The following FCHO2 variants were observed in gnomAD, a reference collection of about 807,000 sequenced individuals.
FCHO2 encodes FCH and mu domain containing endocytic adaptor 2.
FCHO2 carries 43 observed loss-of-function variants against 114.1 expected under a neutral mutation model. The ratio of observed to expected loss-of-function variants is 0.38; its 90% CI spans 0.30 to 0.49. The LOEUF (loss-of-function observed/expected upper bound fraction) is 0.49, where lower values mean the gene tolerates loss of function less well. Ranked by LOEUF, FCHO2 falls within the 20% of genes least tolerant of loss-of-function variation. The probability of loss-of-function intolerance (pLI) is 0.97; values close to 1 mark genes in which losing one functional copy is unlikely to be tolerated. For synonymous variants in FCHO2, 293 were observed against 315.2 expected (o/e 0.93, Z 0.75); for missense variants, 807 against 950.4 (o/e 0.85, Z 1.98).
intron 16 of FCHO2, among the ~76,000 whole-genome samples, chr5:73,056,777 C>T (rs1460896787): frequency 3.3e-5 from 5 of 151,546 alleles, no homozygotes; most frequent in South Asian, 2.1e-4. Flanking sequence ...TTGACTGTGA[C>T]GTTATAAAAT....
At position 73,008,654 on chromosome 5, in the gene FCHO2, A is replaced by G. The variant is rs547276647; in HGVS notation, c.600+2105A>G. 1.2e-4 allele frequency among the ~76,000 whole-genome samples: 19 copies of G among 152,310 alleles called. No individual in the cohort carries two copies. In the East Asian group the frequency reaches 3.7e-3, roughly 29 times the overall value. On this transcript the variant is annotated intron_variant, in intron 6 of 25. Coordinates refer to ENST00000430046, the MANE Select transcript of FCHO2 (RefSeq NM_138782.3). ...ACATAATGTCCACAGTTCCTTATCC[A>G]CAATTCCGAATCCGAAGAGCTCTGA... is the stretch of plus-strand genomic sequence containing the variant.
chr5:73,047,969 G>A (rs1757140387), intron 11 of FCHO2, among the ~76,000 whole-genome samples: 1 of 151,916 alleles, frequency 6.6e-6, no homozygotes, highest in East Asian at 1.9e-4. Context: ...CCTAGTAGCT[G>A]GGCTGCAGGT....
At chr5:73,018,076 G>C (rs1580111716) in intron 8 of FCHO2, among the ~76,000 whole-genome samples, 1 of 152,104 alleles carries the variant, frequency 6.6e-6, no homozygotes, top group Admixed American at 6.6e-5. Context: ...ATAATTTAGT[G>C]CATTAAAGAA....
At position 73,087,870 on chromosome 5, in the gene FCHO2, C is replaced by G. The variant is rs1743364418; in HGVS notation, c.2410+117C>G. 3 of 1,452,326 alleles carry G rather than the reference C, an allele frequency of 2.1e-6. No individual in the cohort carries two copies. In the Admixed American group the frequency reaches 7.0e-5, roughly 34 times the overall value. The allele number at this position is 1,452,326 out of a possible 1,614,324, so 90.0% of individuals were successfully genotyped here. The stretch of plus-strand genomic sequence containing the variant: ...AAGACATGGAAATTTTTTCTTTAAC[C>G]CTTGGTACAAGGTGCCAGGTAGAGA... On this transcript the variant is annotated intron_variant, in intron 25 of 25. Coordinates refer to ENST00000430046, the MANE Select transcript of FCHO2 (RefSeq NM_138782.3).
At chr5:73,014,944 TG>T (rs1755221694) in intron 6 of FCHO2, among the ~76,000 whole-genome samples, 1 of 151,438 alleles carries the variant, frequency 6.6e-6, no homozygotes, top group Non-Finnish European at 1.5e-5. Context: ...AGCATGGTGG[TG>T]GGCACCTGTA....
intron 19 of FCHO2, among the ~76,000 whole-genome samples, chr5:73,069,558 A>G (rs1580198613): frequency 6.6e-6 from 1 of 152,084 alleles, no homozygotes; most frequent in South Asian, 2.1e-4. Flanking sequence ...CGCTCCTATG[A>G]GAGTCTAATG....
intron 6 of FCHO2, among the ~76,000 whole-genome samples, chr5:73,007,497 G>A (rs998839693): frequency 2.0e-5 from 3 of 152,180 alleles, no homozygotes; most frequent in African/African-American, 7.2e-5. Flanking sequence ...CCAGATCATA[G>A]TAGGCACTCA....
chr5:72,990,909 G>C (rs1753776981), intron 5 of FCHO2, 45 bp downstream of exon 5: 1 of 1,504,100 alleles, frequency 6.6e-7, no homozygotes, highest in Non-Finnish European at 8.9e-7. Context: ...AAAGCACCTT[G>C]ACATACAAAA....
At chr5:73,058,625 C>T in intron 17 of FCHO2, 101 bp downstream of exon 17, 1 of 501,214 alleles carries the variant, frequency 2.0e-6, no homozygotes, top group East Asian at 3.6e-5. Context: ...ATCAAAATTT[C>T]TAAAAATTTG....
At position 73,082,036 on chromosome 5, in the gene FCHO2, A is replaced by G; in HGVS notation, c.2180+54A>G. On this transcript the variant is annotated intron_variant, in intron 23 of 25. Coordinates refer to ENST00000430046, the MANE Select transcript of FCHO2 (RefSeq NM_138782.3). The stretch of plus-strand genomic sequence containing the variant: ...CACTAAATTTTTGTTGCAATCCCCA[A>G]CTTCTAGAACCCAAGTTCTGTAAGT... The G allele has an allele frequency of 4.4e-6, 6 of 1,353,710 alleles. No homozygotes were observed. The South Asian group carries it at 6.3e-5, about 14-fold the overall frequency. The allele number at this position is 1,353,710 out of a possible 1,614,324, so 83.9% of individuals were successfully genotyped here.
intron 1 of FCHO2, among the ~76,000 whole-genome samples, chr5:72,958,450 C>T (rs182847551): frequency 2.5e-4 from 38 of 152,178 alleles, no homozygotes; most frequent in African/African-American, 8.9e-4. Context: ...CATCTTTCCC[C>T]GTTGAATTGT....
chr5:72,980,889 C>T (rs1158123210), intron 2 of FCHO2, among the ~76,000 whole-genome samples: 3 of 152,132 alleles, frequency 2.0e-5, no homozygotes, highest in East Asian at 1.9e-4. Flanking sequence ...AGTCTTGACT[C>T]TTCATCCAAT....
Position 73,051,329 on chromosome 5 carries a change from T to G in FCHO2, c.940-20T>G, listed in dbSNP as rs957851921. 2.0e-6 allele frequency: 3 copies of G among 1,485,038 alleles called. No homozygotes were observed. The African/African-American group carries it at 4.2e-5, about 21-fold the overall frequency. The allele number at this position is 1,485,038 out of a possible 1,614,324, so 92.0% of individuals were successfully genotyped here. A position where few individuals can be genotyped will look rare whatever the true frequency, so the allele number is the denominator to read the frequency against. On this transcript the variant is annotated intron_variant, in intron 11 of 25. Transcript: ENST00000430046. Reference sequence around the variant, plus strand: ...GTACATTGGAGTTGTCATTATAATTTTTTTTTCTTTTTCCCTTAGAACATT... The same window carrying G: ...GTACATTGGAGTTGTCATTATAATTGTTTTTTCTTTTTCCCTTAGAACATT...
At position 73,041,736 on chromosome 5, in the gene FCHO2, C is replaced by G. The variant is rs192433248; in HGVS notation, c.939+421C>G. ...TTTTAGAAATAACAGCAACAAGAAC[C>G]ATGGTCAGTACTTTTCTGTGCTTTT... is the stretch of plus-strand genomic sequence containing the variant. On this transcript the variant is annotated intron_variant, in intron 11 of 25. Transcript: ENST00000430046. Among the ~76,000 whole-genome samples the G allele has an allele frequency of 5.5e-4, 84 of 152,136 alleles. 2 individuals carry two copies. The highest frequency in any genetic ancestry group is 1.9e-3 in the African/African-American group (77 of 41,550).
At position 73,068,639 on chromosome 5, in the gene FCHO2, T is replaced by C. The variant is rs757674995; in HGVS notation, c.1450-11T>C. On this transcript the variant is annotated splice_polypyrimidine_tract_variant and intron_variant, in intron 18 of 25. Transcript: ENST00000430046. ...TTTTAGCATTTTGATAAATAACTTT[T>C]TGTTTTTAAGCCCAGGCCATTCAGC... 50 of 1,607,664 alleles carry C rather than the reference T, an allele frequency of 3.1e-5. No individual in the cohort carries two copies. Among genetic ancestry groups the C allele is most frequent in the Non-Finnish European group, 3.8e-5 (45 of 1,177,082 alleles).
chr5:73,051,435 G>A, intron 12 of FCHO2, 29 bp downstream of exon 12: 1 of 1,418,316 alleles, frequency 7.1e-7, no homozygotes. Flanking sequence ...GTATTCTTAA[G>A]GATTATGTTG....
intron 5 of FCHO2, among the ~76,000 whole-genome samples, chr5:72,998,871 C>T (rs912891667): frequency 6.6e-6 from 1 of 150,430 alleles, no homozygotes; most frequent in Non-Finnish European, 1.5e-5. Context: ...GTCACCCAGG[C>T]TGGAGTGCAG....
chr5:72,975,159 A>G (rs1752788901), intron 2 of FCHO2, among the ~76,000 whole-genome samples: 1 of 152,164 alleles, frequency 6.6e-6, no homozygotes, highest in Admixed American at 6.6e-5. Context: ...TGTAGTATTT[A>G]TAAAATTTGG....
intron 17 of FCHO2, among the ~76,000 whole-genome samples, chr5:73,059,221 C>A (rs1327328883): frequency 6.6e-6 from 1 of 152,104 alleles, no homozygotes; most frequent in African/African-American, 2.4e-5. Context: ...TTCAGAATTG[C>A]CATCCAGTAT....
Sources: allele counts gnomAD v4.1 joint callset (sites outside exome capture counted in the v4.1 genomes callset), GRCh38; gene constraint gnomAD v4.1.1; transcripts MANE v1.5; gene names NCBI Gene and HGNC (gene_info 2026-07-23, HGNC 2026-07-21).